Variants in SMC6 observed in about 807,000 individuals in gnomAD.
SMC6 encodes the protein structural maintenance of chromosomes 6.
A neutral mutation model predicts 142.2 loss-of-function variants in SMC6; 79 were observed. The observed-to-expected ratio is 0.56, with a 90% CI of 0.46 to 0.67. SMC6 has a LOEUF of 0.67. Among genes scored for constraint, SMC6 ranks in the 30% least tolerant of loss-of-function variants. The pLI, the probability that SMC6 is intolerant of heterozygous loss-of-function variation, is 0.00. For missense variants in SMC6, 1,072 were observed against 1,284.0 expected (o/e 0.83, Z 2.52); for synonymous variants, 411 against 412.4 (o/e 1.00, Z 0.04).
At chr2:17,695,449 C>A (rs1245211430) in intron 22 of SMC6, 152 bp from the exon 23 acceptor site, 5 of 643,170 alleles carry the variant, frequency 7.8e-6, no homozygotes, top group African/African-American at 1.9e-5. Flanking sequence ...TTATATTTAT[C>A]TAAGTTTTAT....
chr2:17,732,728 C>T (rs1463434512), intron 5 of SMC6, among the ~76,000 whole-genome samples: 5 of 151,584 alleles, frequency 3.3e-5, no homozygotes, highest in African/African-American at 1.2e-4. Flanking sequence ...GAAACTAAAG[C>T]CCAAAATTTC....
chr2:17,676,452 C>T (rs1475032697), intron 25 of SMC6, among the ~76,000 whole-genome samples: 1 of 152,098 alleles, frequency 6.6e-6, no homozygotes, highest in African/African-American at 2.4e-5. Context: ...TAATAAGCTG[C>T]ATATATTTAA....
At chr2:17,739,879 A>C (rs1211678018) in intron 4 of SMC6, among the ~76,000 whole-genome samples, 1 of 115,454 alleles carries the variant, frequency 8.7e-6, no homozygotes, top group African/African-American at 3.3e-5. Flanking sequence ...GAATATGGTA[A>C]ACACACACAC....
At chr2:17,716,975 C>A in intron 13 of SMC6, 70 bp from the exon 14 acceptor site, 1 of 1,528,642 alleles carries the variant, frequency 6.5e-7, no homozygotes, top group South Asian at 1.2e-5. Context: ...GAACACAAAC[C>A]GATGTAATAA....
intron 20 of SMC6, among the ~76,000 whole-genome samples, chr2:17,700,806 T>C (rs1668233392): frequency 6.6e-6 from 1 of 151,940 alleles, no homozygotes; most frequent in Non-Finnish European, 1.5e-5. Context: ...CCGACACGGG[T>C]GGATCACCTA....
At chr2:17,737,517 G>GT (rs915679380) in intron 5 of SMC6, among the ~76,000 whole-genome samples, 2 of 152,198 alleles carry the variant, frequency 1.3e-5, no homozygotes, top group African/African-American at 4.8e-5. Context: ...AGATAAGCCT[G>GT]AAGACAGAAC....
intron 21 of SMC6, among the ~76,000 whole-genome samples, chr2:17,698,433 G>A (rs990761902): frequency 6.6e-6 from 1 of 151,912 alleles, no homozygotes; most frequent in Non-Finnish European, 1.5e-5. Context: ...ATTTAGAATT[G>A]CTATGTATTT....
At chr2:17,686,587 A>G (rs1158158355) in intron 23 of SMC6, among the ~76,000 whole-genome samples, 1 of 152,176 alleles carries the variant, frequency 6.6e-6, no homozygotes, top group African/African-American at 2.4e-5. Flanking sequence ...ACCTCATGGG[A>G]CAGGTTGCAG....
intron 5 of SMC6, among the ~76,000 whole-genome samples, chr2:17,733,731 GAA>G (rs1370270647): frequency 6.6e-6 from 1 of 152,172 alleles, no homozygotes; most frequent in Non-Finnish European, 1.5e-5. Flanking sequence ...TAAGAAAATA[GAA>G]AAGTCTGAAT....
chr2:17,726,103 A>AAAG (rs1669608532), intron 8 of SMC6, among the ~76,000 whole-genome samples: 1 of 150,224 alleles, frequency 6.7e-6, no homozygotes, highest in African/African-American at 2.5e-5. Flanking sequence ...AAAAAAAAAA[A>AAAG]AAAAAAAAAA....
intron 3 of SMC6, among the ~76,000 whole-genome samples, chr2:17,742,774 A>G (rs536312904): frequency 6.6e-6 from 1 of 152,292 alleles, no homozygotes; most frequent in Admixed American, 6.5e-5. Flanking sequence ...TTCACGTGCA[A>G]TCCTTAATGA....
At chr2:17,668,207 T>A (rs1666591911) in intron 26 of SMC6, among the ~76,000 whole-genome samples, 1 of 152,210 alleles carries the variant, frequency 6.6e-6, no homozygotes, top group African/African-American at 2.4e-5. Context: ...GTGATAAGAC[T>A]GCACAGCACC....
intron 4 of SMC6, 77 bp from the exon 5 acceptor site, chr2:17,738,403 A>C (rs1670263780): frequency 1.1e-6 from 1 of 931,928 alleles, no homozygotes; most frequent in Admixed American, 2.5e-5. Context: ...TGTAATGCAA[A>C]AAGATTTATG....
intron 16 of SMC6, among the ~76,000 whole-genome samples, chr2:17,714,301 C>G (rs1668974398): frequency 1.3e-5 from 2 of 151,864 alleles, no homozygotes; most frequent in South Asian, 4.2e-4. Flanking sequence ...CCCAAGTTGC[C>G]CAGGCTCGTC....
chr2:17,666,920 T>C (rs371256941), intron 26 of SMC6, among the ~76,000 whole-genome samples: 27 of 151,880 alleles, frequency 1.8e-4, no homozygotes, highest in African/African-American at 5.8e-4. Flanking sequence ...AACTCAAGGG[T>C]ATAGTAAGCT....
intron 25 of SMC6, among the ~76,000 whole-genome samples, chr2:17,672,438 T>C (rs1208914702): frequency 6.6e-6 from 1 of 152,232 alleles, no homozygotes; most frequent in Non-Finnish European, 1.5e-5. Flanking sequence ...TCCATTTTTT[T>C]ATTACAGTAA....
At chr2:17,725,393 G>T in intron 8 of SMC6, 35 bp from the exon 9 acceptor site, 1 of 1,436,902 alleles carries the variant, frequency 7.0e-7, no homozygotes, top group Non-Finnish European at 9.4e-7. Context: ...GCAATTAGGA[G>T]TTTGTAAACT....
Position 17,714,894 on chromosome 2 carries a change from T to G in SMC6, c.1697A>C (p.Glu566Ala). ...GTSRPPIIVSEFRNEIYDVRH... is the reference protein window; with the variant it reads ...GTSRPPIIVSAFRNEIYDVRH... Reference sequence around the variant, plus strand: ...TACATCATATATCTCATTCCGAAACTCAGAAACTATTATCGGTGGCCGTGA... The same window carrying G: ...TACATCATATATCTCATTCCGAAACGCAGAAACTATTATCGGTGGCCGTGA... Residue 566 changes from glutamate (E) to alanine (A), a missense_variant, in exon 16 of 28, where the codon GAG (glutamate) becomes GCG (alanine). Transcript: ENST00000448223. 1 of 1,612,908 alleles carries G rather than the reference T, an allele frequency of 6.2e-7. No individual in the cohort carries two copies. Among genetic ancestry groups the G allele is most frequent in the Non-Finnish European group, 8.5e-7 (1 of 1,179,698 alleles).
intron 4 of SMC6, among the ~76,000 whole-genome samples, chr2:17,739,063 TTGAA>T (rs1228853674): frequency 6.6e-6 from 1 of 152,220 alleles, no homozygotes; most frequent in South Asian, 2.1e-4. Context: ...GCATTATTTG[TTGAA>T]TGAATGAACT....
Sources: gnomAD v4.1 joint callset for allele counts (sites outside exome capture counted in the v4.1 genomes callset) on GRCh38, gnomAD v4.1.1 for gene constraint, MANE v1.5 for transcripts, NCBI Gene and HGNC (gene_info 2026-07-23, HGNC 2026-07-21) for gene names.